The following MAD1L1 variants were observed in gnomAD, a reference collection of about 807,000 sequenced individuals.
The protein encoded by MAD1L1 is mitotic arrest deficient 1 like 1, also known as mitotic spindle assembly checkpoint protein MAD1.
A neutral mutation model predicts 96.9 loss-of-function variants in MAD1L1; 95 were observed. The ratio of observed to expected loss-of-function variants is 0.98; its 90% CI spans 0.83 to 1.16. The LOEUF (loss-of-function observed/expected upper bound fraction) is 1.16, where lower values mean the gene tolerates loss of function less well. MAD1L1 is among the 50% of genes most tolerant of loss of function. MAD1L1 has a pLI of 0.00. For synonymous variants in MAD1L1, 473 were observed against 396.6 expected (o/e 1.19, Z -2.29); for missense variants, 1,007 against 954.4 (o/e 1.06, Z -0.73).
intron 12 of MAD1L1, among the ~76,000 whole-genome samples, chr7:2,060,410 C>T (rs1447258252): frequency 6.6e-6 from 1 of 151,524 alleles, no homozygotes; most frequent in Non-Finnish European, 1.5e-5. Context: ...TGCTGAGATA[C>T]ACTGATGCTG....
At chr7:1,941,692 G>A (rs1048279830) in intron 16 of MAD1L1, among the ~76,000 whole-genome samples, 5 of 152,338 alleles carry the variant, frequency 3.3e-5, no homozygotes, top group South Asian at 2.1e-4. Context: ...AGGTTCCCGT[G>A]GCCCGGCTTC....
At chr7:2,070,628 C>T (rs1397757254) in intron 11 of MAD1L1, among the ~76,000 whole-genome samples, 5 of 152,212 alleles carry the variant, frequency 3.3e-5, no homozygotes, top group Admixed American at 3.3e-4. Context: ...ACGGGAGCTG[C>T]ACACGACTCT....
chr7:1,820,824 G>T (rs1022044060), intron 18 of MAD1L1, among the ~76,000 whole-genome samples: 2 of 152,030 alleles, frequency 1.3e-5, no homozygotes, highest in African/African-American at 4.8e-5. Flanking sequence ...GGGAACGCCT[G>T]TAATCCCAGC....
rs553156399 is a variant in MAD1L1 at position 2,013,540 on chromosome 7, G to A, written c.1359+962C>T. ...TCGTGAGCGAAATTCGGATCACAAC[G>A]GCACCCACTCCATAGGATACGGTGA... On this transcript the variant is annotated intron_variant, in intron 13 of 18. Transcript: ENST00000265854. Among the ~76,000 whole-genome samples the A allele has an allele frequency of 1.1e-4, 16 of 152,358 alleles. 1 individual carries two copies. The highest frequency in any genetic ancestry group is 3.4e-3 in the Middle Eastern group (1 of 294).
At chr7:1,865,177 C>G (rs1402654347) in intron 18 of MAD1L1, among the ~76,000 whole-genome samples, 1 of 152,230 alleles carries the variant, frequency 6.6e-6, no homozygotes, top group East Asian at 1.9e-4. Context: ...GAGGCGTGCA[C>G]AAGCACCCAC....
chr7:2,183,977 G>A (rs562640844), intron 10 of MAD1L1, among the ~76,000 whole-genome samples: 24 of 152,130 alleles, frequency 1.6e-4, no homozygotes, highest in African/African-American at 4.6e-4. Flanking sequence ...TCAGCCGGGC[G>A]CAGTGGCTCA....
In MAD1L1 at chr7:1,902,987, G is replaced by T. The variant is rs181190738; in HGVS notation, c.1808-4597C>A. 2.0e-5 allele frequency among the ~76,000 whole-genome samples: 3 copies of T among 150,986 alleles called. No individual in the cohort carries two copies. The East Asian group carries it at 5.9e-4, about 30-fold the overall frequency. On this transcript the variant is annotated intron_variant, in intron 17 of 18. Coordinates refer to ENST00000265854, the MANE Select transcript of MAD1L1 (RefSeq NM_001013836.2). ...AGCGAGGACCCAGTGGCCTACAGAA[G>T]ACGCTCTTGCGGAACTCATGATTGA...
intron 13 of MAD1L1, among the ~76,000 whole-genome samples, chr7:2,005,869 A>T (rs1430195042): frequency 6.6e-6 from 1 of 152,214 alleles, no homozygotes; most frequent in Non-Finnish European, 1.5e-5. Flanking sequence ...CATCTTCCCA[A>T]ATGGATGGCC....
At chr7:2,014,364 C>A in intron 13 of MAD1L1, 138 bp downstream of exon 13, 4 of 1,150,920 alleles carry the variant, frequency 3.5e-6, no homozygotes, top group Non-Finnish European at 1.2e-6. Context: ...CCGTGGACAC[C>A]CTCCCTGACA....
chr7:1,927,150 C>A (rs1373753636), intron 17 of MAD1L1, among the ~76,000 whole-genome samples: 21 of 152,050 alleles, frequency 1.4e-4, no homozygotes. Context: ...AACAATAAAA[C>A]CAACAAAACC....
intron 17 of MAD1L1, among the ~76,000 whole-genome samples, chr7:1,905,524 C>T (rs180755489): frequency 0.018 from 2,669 of 148,690 alleles, 90 homozygotes; most frequent in African/African-American, 0.063. Flanking sequence ...GCAGCGAGGA[C>T]ACAGTGGCCT....
intron 10 of MAD1L1, among the ~76,000 whole-genome samples, chr7:2,178,506 G>C (rs889570709): frequency 3.9e-5 from 6 of 152,180 alleles, no homozygotes; most frequent in Admixed American, 2.6e-4. Flanking sequence ...GGAACCTCAG[G>C]ATACTGGGAG....
chr7:2,069,757 G>A (rs1785039831), intron 11 of MAD1L1, among the ~76,000 whole-genome samples: 1 of 152,210 alleles, frequency 6.6e-6, no homozygotes, highest in African/African-American at 2.4e-5. Flanking sequence ...ATTCTGTGAG[G>A]TTGAAAGCCC....
intron 11 of MAD1L1, among the ~76,000 whole-genome samples, chr7:2,122,175 C>G (rs1317660453): frequency 6.6e-6 from 1 of 152,208 alleles, no homozygotes; most frequent in Non-Finnish European, 1.5e-5. Flanking sequence ...GTGGCCACCC[C>G]GCATGTGGCC....
chr7:1,836,100 C>T (rs557124171), intron 18 of MAD1L1, among the ~76,000 whole-genome samples: 1 of 152,318 alleles, frequency 6.6e-6, no homozygotes, highest in Non-Finnish European at 1.5e-5. Context: ...CAGCTCACCA[C>T]AACCTCCGCC....
chr7:2,083,043 G>A lies in MAD1L1; in HGVS notation c.1074-13705C>T, dbSNP rs150296251. On this transcript the variant is annotated intron_variant, in intron 11 of 18. Transcript: ENST00000265854. ...AACGGGTGGCACAGGCCCCCAGGGG[G>A]AAGAGCCGTCCCTCCCTGCGCGTGA... Among the ~76,000 whole-genome samples the A allele has an allele frequency of 5.4e-3, 825 of 152,352 alleles. 6 individuals carry two copies. Among genetic ancestry groups the A allele is most frequent in the Non-Finnish European group, 8.3e-3 (565 of 68,030 alleles).
chr7:2,060,179 CGA>C (rs145300694), intron 12 of MAD1L1, among the ~76,000 whole-genome samples: 17,482 of 145,996 alleles, frequency 0.12, 1,729 homozygotes, highest in African/African-American at 0.24. Flanking sequence ...ACGCCGATGC[CGA>C]GATACACCGA....
intron 13 of MAD1L1, among the ~76,000 whole-genome samples, chr7:2,009,137 T>C (rs1782174599): frequency 1.3e-5 from 2 of 152,108 alleles, no homozygotes; most frequent in African/African-American, 4.8e-5. Flanking sequence ...GGTGGCTACG[T>C]GTGCTGAGAC....
At chr7:1,961,225 G>A (rs1220409235) in intron 15 of MAD1L1, among the ~76,000 whole-genome samples, 1 of 152,194 alleles carries the variant, frequency 6.6e-6, no homozygotes, top group East Asian at 1.9e-4. Context: ...AATCCCACAG[G>A]CTTCTTTGTA....
Sources: gnomAD v4.1 joint callset for allele counts (sites outside exome capture counted in the v4.1 genomes callset) on GRCh38, gnomAD v4.1.1 for gene constraint, MANE v1.5 for transcripts, NCBI Gene and HGNC (gene_info 2026-07-23, HGNC 2026-07-21) for gene names.